The following STK32A variants were observed in gnomAD, a reference collection of about 807,000 sequenced individuals.
STK32A encodes serine/threonine kinase 32A, also known as serine/threonine-protein kinase 32A.
STK32A carries 41 observed loss-of-function variants against 53.2 expected under a neutral mutation model. The observed-to-expected ratio is 0.77, with a 90% CI of 0.60 to 1.00. The LOEUF is 1.00. Ranked by LOEUF, STK32A falls within the 50% of genes least tolerant of loss-of-function variation. The pLI is 0.00. For missense variants in STK32A, 458 were observed against 485.8 expected (o/e 0.94, Z 0.54); for synonymous variants, 166 against 162.8 (o/e 1.02, Z -0.15).
the STK32A span, chr5:147,395,520 C>A: frequency 3.8e-6 from 6 of 1,577,294 alleles, no homozygotes; most frequent in African/African-American, 1.4e-5. Context: ...TCTTCCCCTT[C>A]CCCCTTCTCT....
intron 2 of STK32A, among the ~76,000 whole-genome samples, chr5:147,270,863 GAGCCAGTT>G (rs1221432069): frequency 6.6e-6 from 1 of 152,208 alleles, no homozygotes; most frequent in Non-Finnish European, 1.5e-5. Flanking sequence ...CATCTTTGAA[GAGCCAGTT>G]AATAATATCT....
Position 147,373,161 on chromosome 5 carries a change from A to G in STK32A, c.778-8A>G, listed in dbSNP as rs1757075273. 4 of 1,612,328 alleles carry G rather than the reference A, an allele frequency of 2.5e-6. No homozygotes were observed. The highest frequency in any genetic ancestry group is 3.4e-6 in the Non-Finnish European group (4 of 1,179,230). On this transcript the variant is annotated splice_polypyrimidine_tract_variant and splice_region_variant and intron_variant, in intron 9 of 12. Coordinates refer to ENST00000397936, the MANE Select transcript of STK32A (RefSeq NM_001112724.2). ...CTTATGGCCTTGATGTTTGCATTTTATTGGCAGCTACTCGAACCTAATCCA... is the reference window on the plus strand; with the variant it reads ...CTTATGGCCTTGATGTTTGCATTTTGTTGGCAGCTACTCGAACCTAATCCA...
chr5:147,343,094 G>C, intron 6 of STK32A, 51 bp downstream of exon 6: 1 of 1,592,132 alleles, frequency 6.3e-7, no homozygotes, highest in Non-Finnish European at 8.6e-7. Context: ...ATGTAGAAAA[G>C]TTGATTGTTC....
intron 4 of STK32A, among the ~76,000 whole-genome samples, chr5:147,314,295 C>A (rs991494800): frequency 6.6e-6 from 1 of 151,876 alleles, no homozygotes; most frequent in Non-Finnish European, 1.5e-5. Context: ...GTCAGGAGTT[C>A]AAGACCAGCC....
chr5:147,334,903 A>AC (rs1755042066), intron 5 of STK32A, among the ~76,000 whole-genome samples: 1 of 152,204 alleles, frequency 6.6e-6, no homozygotes, highest in Admixed American at 6.5e-5. Flanking sequence ...TACATTCAAG[A>AC]CCCCCAGTGG....
In STK32A at chr5:147,253,912, G is replaced by C. The variant is rs1445394001; in HGVS notation, c.52+14226G>C. ...AGAATTTCAATGGCTGGCAGATTCA[G>C]TTAAGGACAAAAATAATTCACAGCA... On this transcript the variant is annotated intron_variant, in intron 2 of 12. Transcript: ENST00000397936. 2.0e-5 allele frequency among the ~76,000 whole-genome samples: 3 copies of C among 152,304 alleles called. No individual in the cohort carries two copies. In the East Asian group the frequency reaches 5.8e-4, roughly 29 times the overall value.
At chr5:147,256,413 G>C (rs912805171) in intron 2 of STK32A, among the ~76,000 whole-genome samples, 2 of 152,182 alleles carry the variant, frequency 1.3e-5, no homozygotes, top group Non-Finnish European at 2.9e-5. Context: ...TAGTGGAAAG[G>C]GGACAATCTG....
At chr5:147,372,037 G>A (rs1757024447) in intron 9 of STK32A, among the ~76,000 whole-genome samples, 1 of 151,958 alleles carries the variant, frequency 6.6e-6, no homozygotes, top group African/African-American at 2.4e-5. Flanking sequence ...GCTTCATGAG[G>A]GTAGGGACCA....
intron 4 of STK32A, among the ~76,000 whole-genome samples, chr5:147,315,323 C>T (rs75968416): frequency 3.3e-5 from 5 of 152,054 alleles, no homozygotes; most frequent in Non-Finnish European, 5.9e-5. Context: ...AGAAATAACC[C>T]GAATGTCCAT....
rs999093343 is a variant in STK32A, at chr5:147,387,355, A to G, written c.*3372A>G. Reference sequence around the variant, plus strand: ...ACCAGCACAGAGCATTGCTAAATTAATTACAGTAATCTAATTAATTAGTAG... The same window carrying G: ...ACCAGCACAGAGCATTGCTAAATTAGTTACAGTAATCTAATTAATTAGTAG... On this transcript the variant is annotated 3_prime_UTR_variant, in exon 13 of 13. Coordinates refer to ENST00000397936, the MANE Select transcript of STK32A (RefSeq NM_001112724.2). 3.9e-5 allele frequency: 6 copies of G among 152,266 alleles called. No individual in the cohort carries two copies. Among genetic ancestry groups the G allele is most frequent in the Admixed American group, 3.9e-4 (6 of 15,292 alleles). The allele number at this position is 152,266 out of a possible 1,614,324, so 9.4% of individuals were successfully genotyped here. A position where few individuals can be genotyped will look rare whatever the true frequency, so the allele number is the denominator to read the frequency against.
intron 6 of STK32A, among the ~76,000 whole-genome samples, chr5:147,347,335 G>C (rs1407442832): frequency 6.7e-6 from 1 of 150,006 alleles, no homozygotes; most frequent in Non-Finnish European, 1.5e-5. Context: ...AAAAAAAAAA[G>C]GCAGAAACCC....
Position 147,375,245 on chromosome 5 carries a change from G to A in STK32A, c.1032+27G>A, listed in dbSNP as rs372913314. 340 of 1,605,658 alleles carry A rather than the reference G, an allele frequency of 2.1e-4. 2 individuals are homozygous for A. The South Asian group carries it at 3.5e-3, about 17-fold the overall frequency. On this transcript the variant is annotated intron_variant, in intron 11 of 12. Coordinates refer to ENST00000397936, the MANE Select transcript of STK32A (RefSeq NM_001112724.2). ...TAAGCAGGTCCCCACCAAACTCAGG[G>A]TCATGGGTATCCCCATGATGGCTGC...
chr5:147,381,472 G>A (rs1276855180), intron 11 of STK32A, among the ~76,000 whole-genome samples: 1 of 151,958 alleles, frequency 6.6e-6, no homozygotes, highest in African/African-American at 2.4e-5. Context: ...ATGAAACCCT[G>A]CCTCTACTTA....
intron 2 of STK32A, among the ~76,000 whole-genome samples, chr5:147,270,531 C>A (rs1180548773): frequency 6.6e-6 from 1 of 152,020 alleles, no homozygotes; most frequent in African/African-American, 2.4e-5. Context: ...TTTTTAAAAT[C>A]AAAAGCCAAA....
intron 5 of STK32A, among the ~76,000 whole-genome samples, chr5:147,338,562 G>A (rs1029137719): frequency 6.6e-6 from 1 of 152,160 alleles, no homozygotes; most frequent in African/African-American, 2.4e-5. Flanking sequence ...ACAGTTTGGA[G>A]GGCTCAGAAG....
chr5:147,344,172 G>A (rs1755573089), intron 6 of STK32A, among the ~76,000 whole-genome samples: 1 of 152,118 alleles, frequency 6.6e-6, no homozygotes, highest in African/African-American at 2.4e-5. Flanking sequence ...TTACAAAAAG[G>A]ATTTGCAAGT....
chr5:147,263,158 G>T (rs923442532), intron 2 of STK32A, among the ~76,000 whole-genome samples: 51 of 152,276 alleles, frequency 3.3e-4, no homozygotes, highest in Admixed American at 2.4e-3. Flanking sequence ...TTCCCACTTG[G>T]CTCTGATAAT....
intron 10 of STK32A, among the ~76,000 whole-genome samples, chr5:147,374,203 A>C (rs949352772): frequency 6.6e-6 from 1 of 151,006 alleles, no homozygotes; most frequent in Non-Finnish European, 1.5e-5. Flanking sequence ...TAGAAAGATC[A>C]CTTAAGCCCA....
intron 5 of STK32A, among the ~76,000 whole-genome samples, chr5:147,339,029 C>A (rs181266027): frequency 1.3e-5 from 2 of 152,114 alleles, no homozygotes; most frequent in Non-Finnish European, 2.9e-5. Flanking sequence ...AAACTGGCTG[C>A]GGAAATTTGC....
Sources: allele counts gnomAD v4.1 joint callset (sites outside exome capture counted in the v4.1 genomes callset), GRCh38; gene constraint gnomAD v4.1.1; transcripts MANE v1.5; gene names NCBI Gene and HGNC (gene_info 2026-07-23, HGNC 2026-07-21).